Variants in BCL2L14 observed in about 807,000 individuals in gnomAD.
BCL2L14 encodes apoptosis facilitator Bcl-2-like protein 14.
A neutral mutation model predicts 35.3 loss-of-function variants in BCL2L14; 27 were observed. The ratio of observed to expected loss-of-function variants is 0.76; its 90% CI spans 0.56 to 1.05. The LOEUF is 1.05. Among genes scored for constraint, BCL2L14 ranks in the 50% least tolerant of loss-of-function variants. The pLI is 0.00. For missense variants in BCL2L14, 377 were observed against 382.6 expected (o/e 0.99, Z 0.12); for synonymous variants, 139 against 145.9 (o/e 0.95, Z 0.34).
intron 2 of BCL2L14, among the ~76,000 whole-genome samples, chr12:12,081,764 G>A (rs1268246931): frequency 1.3e-5 from 2 of 151,942 alleles, no homozygotes; most frequent in African/African-American, 4.8e-5. Flanking sequence ...TCACCATGTT[G>A]GTCAGGCTGG....
At chr12:12,073,432 T>C (rs1412580101) in intron 1 of BCL2L14, among the ~76,000 whole-genome samples, 1 of 152,190 alleles carries the variant, frequency 6.6e-6, no homozygotes, top group Non-Finnish European at 1.5e-5. Context: ...TTTTACTAAA[T>C]GGAAGGACTA....
chr12:12,091,288 T>G (rs1615942), intron 4 of BCL2L14, among the ~76,000 whole-genome samples: 78,615 of 152,010 alleles, frequency 0.52, 20,471 homozygotes, highest in Middle Eastern at 0.67. Flanking sequence ...GCTGGACTGT[T>G]GCCTGTTTAA....
chr12:12,094,509 A>G, intron 4 of BCL2L14, 155 bp from the exon 5 acceptor site: 3 of 1,613,780 alleles, frequency 1.9e-6, no homozygotes, highest in Non-Finnish European at 1.7e-6. Context: ...CTGGTTCTGC[A>G]GGACACTGCC....
intron 2 of BCL2L14, among the ~76,000 whole-genome samples, chr12:12,086,987 A>G (rs1030202155): frequency 2.0e-5 from 3 of 152,120 alleles, no homozygotes; most frequent in South Asian, 2.1e-4. Flanking sequence ...GCAGAAGGCC[A>G]ATTGTTTCAA....
chr12:12,090,300 G>T (rs1158429438), intron 3 of BCL2L14, among the ~76,000 whole-genome samples: 1 of 152,164 alleles, frequency 6.6e-6, no homozygotes, highest in Non-Finnish European at 1.5e-5. Flanking sequence ...TTGTGTCTGG[G>T]CAGAAGAGGC....
intron 1 of BCL2L14, among the ~76,000 whole-genome samples, chr12:12,074,519 A>G (rs1400130067): frequency 6.6e-6 from 1 of 151,812 alleles, no homozygotes; most frequent in Non-Finnish European, 1.5e-5. Flanking sequence ...GCTCACTGCA[A>G]CTTCTACCTC....
At chr12:12,087,598 TCTG>T (rs1949076084) in intron 3 of BCL2L14, among the ~76,000 whole-genome samples, 1 of 152,146 alleles carries the variant, frequency 6.6e-6, no homozygotes, top group Admixed American at 6.5e-5. Context: ...TTCCCAGCTC[TCTG>T]CTAAGTAAGA....
At chr12:12,090,870 A>T (rs1383221416) in intron 4 of BCL2L14, 21 bp downstream of exon 4, 2 of 1,584,884 alleles carry the variant, frequency 1.3e-6, no homozygotes, top group African/African-American at 1.4e-5. Flanking sequence ...CCTTGAACTG[A>T]TGCGATTGAT....
chr12:12,095,196 G>A (rs1466485437), intron 5 of BCL2L14: 5 of 985,254 alleles, frequency 5.1e-6, no homozygotes, highest in Non-Finnish European at 6.0e-6. Context: ...AGGAAATGAG[G>A]AGATGCTGAG....
At chr12:12,096,162 G>A (rs1949307770) in intron 5 of BCL2L14, 3 of 983,232 alleles carry the variant, frequency 3.1e-6, no homozygotes, top group Non-Finnish European at 3.6e-6. Context: ...ATATACAAAA[G>A]ATGATCAAAT....
chr12:12,080,645 C>T (rs1433065259), intron 2 of BCL2L14, among the ~76,000 whole-genome samples: 1 of 150,798 alleles, frequency 6.6e-6, no homozygotes, highest in East Asian at 1.9e-4. Context: ...AAAGAACGAG[C>T]CCTAACCAGG....
At chr12:12,097,344 A>T (rs1342623760) in intron 5 of BCL2L14, among the ~76,000 whole-genome samples, 1 of 152,188 alleles carries the variant, frequency 6.6e-6, no homozygotes, top group Non-Finnish European at 1.5e-5. Flanking sequence ...ATAGCCACAC[A>T]ATGGAATGTT....
intron 2 of BCL2L14, among the ~76,000 whole-genome samples, chr12:12,081,695 A>G (rs1948928585): frequency 6.6e-6 from 1 of 151,838 alleles, no homozygotes; most frequent in Non-Finnish European, 1.5e-5. Context: ...AGTAGCTGGG[A>G]TCACAGGCGC....
At chr12:12,050,861 T>C (rs1948348936) in intron 1 of BCL2L14, among the ~76,000 whole-genome samples, 1 of 148,176 alleles carries the variant, frequency 6.7e-6, no homozygotes, top group Admixed American at 6.7e-5. Context: ...AATCTCATAA[T>C]GTTTTAAGAA....
intron 5 of BCL2L14, among the ~76,000 whole-genome samples, chr12:12,096,861 G>A (rs1435988673): frequency 6.6e-6 from 1 of 152,178 alleles, no homozygotes; most frequent in African/African-American, 2.4e-5. Flanking sequence ...CCAATTCCAG[G>A]GGCCGGGCGC....
chr12:12,088,997 T>C (rs1157021838), intron 3 of BCL2L14, among the ~76,000 whole-genome samples: 1 of 152,336 alleles, frequency 6.6e-6, no homozygotes, highest in Non-Finnish European at 1.5e-5. Context: ...ACAGGAGAAA[T>C]ACAGGCAGCT....
intron 2 of BCL2L14, among the ~76,000 whole-genome samples, chr12:12,080,679 G>A (rs1409763589): frequency 6.6e-6 from 1 of 150,984 alleles, no homozygotes; most frequent in Non-Finnish European, 1.5e-5. Flanking sequence ...TGCCTGGGCC[G>A]CTGCTCTTCC....
chr12:12,068,587 C>A (rs920267546), upstream of BCL2L14, among the ~76,000 whole-genome samples: 1 of 151,948 alleles, frequency 6.6e-6, no homozygotes, highest in Admixed American at 6.6e-5. Context: ...GTGTTGAATA[C>A]CTGGTCTCCA....
At chr12:12,069,316 G>T (rs948689166), upstream of BCL2L14, among the ~76,000 whole-genome samples, 1 of 152,038 alleles carries the variant, frequency 6.6e-6, no homozygotes, top group Non-Finnish European at 1.5e-5. Context: ...CAAAATGCTG[G>T]GCTTGCAGGC....
Sources: allele counts gnomAD v4.1 joint callset (sites outside exome capture counted in the v4.1 genomes callset), GRCh38; gene constraint gnomAD v4.1.1; transcripts MANE v1.5; gene names NCBI Gene and HGNC (gene_info 2026-07-23, HGNC 2026-07-21).